The following GGA3 variants were observed in gnomAD, a reference collection of about 807,000 sequenced individuals.
GGA3 encodes the protein golgi associated, gamma adaptin ear containing, ARF binding protein 3, also known as ADP-ribosylation factor-binding protein GGA3.
In GGA3, 57 loss-of-function variants were observed where a neutral mutation model predicts 77.5. The observed-to-expected ratio is 0.74, with a 90% CI of 0.59 to 0.92. The LOEUF is 0.92. Among genes scored for constraint, GGA3 ranks in the 40% least tolerant of loss-of-function variants. The pLI is 0.00. For missense variants in GGA3, 970 were observed against 914.9 expected (o/e 1.06, Z -0.78); for synonymous variants, 416 against 383.7 (o/e 1.08, Z -0.98).
upstream of GGA3, chr17:75,261,978 T>G: frequency 6.3e-7 from 1 of 1,591,844 alleles, no homozygotes; most frequent in East Asian, 2.3e-5. Flanking sequence ...TCTTGCAGCT[T>G]CCAGGGTGAG....
rs1390203399 is a variant in GGA3 at position 75,237,490 on chromosome 17, A to C, written c.*789T>G. 1.3e-6 allele frequency: 2 copies of C among 1,535,950 alleles called. No individual in the cohort carries two copies. The highest frequency in any genetic ancestry group is 2.7e-5 in the African/African-American group (2 of 73,114). On this transcript the variant is annotated 3_prime_UTR_variant, in exon 17 of 17. Coordinates refer to ENST00000537686, the MANE Select transcript of GGA3 (RefSeq NM_138619.4). Reference sequence around the variant, plus strand: ...GTAGTCAGTAGGATGGCCTGTCCCCACGGCTGGAGGCACGCTTTTCCCAGA... The same window carrying C: ...GTAGTCAGTAGGATGGCCTGTCCCCCCGGCTGGAGGCACGCTTTTCCCAGA...
chr17:75,255,453 C>A lies in GGA3; in HGVS notation c.40+6095G>T, dbSNP rs113565684. Among the ~76,000 whole-genome samples the A allele has an allele frequency of 4.7e-3, 710 of 150,532 alleles. 6 individuals carry two copies. Among genetic ancestry groups the A allele is most frequent in the African/African-American group, 0.016 (662 of 41,444 alleles). On this transcript the variant is annotated intron_variant, in intron 1 of 16. Coordinates refer to ENST00000537686, the MANE Select transcript of GGA3 (RefSeq NM_138619.4). ...TGCGTCCTCCTCTTGTATTCCCCCC[C>A]ACCTTAACCCACAAGTATAAGATAC...
chr17:75,244,184 C>A (rs1342918055), intron 4 of GGA3, among the ~76,000 whole-genome samples: 1 of 152,120 alleles, frequency 6.6e-6, no homozygotes, highest in Non-Finnish European at 1.5e-5. Context: ...TAAAGTATTC[C>A]CTCTGCTTTA....
At chr17:75,242,700 G>C in intron 7 of GGA3, 131 bp downstream of exon 7, 2 of 919,344 alleles carry the variant, frequency 2.2e-6, no homozygotes, top group South Asian at 1.4e-5. Flanking sequence ...CCCACTCTCA[G>C]CCACCGGGGC....
Position 75,242,866 on chromosome 17 carries a change from C to T in GGA3, c.574G>A (p.Glu192Lys), listed in dbSNP as rs769042125. The change falls in exon 7 of 17, where the codon GAG (glutamate) becomes AAG (lysine). Residue 192 changes from glutamate (E) to lysine (K), a missense_variant. By Grantham distance (56) the Glu-to-Lys change is moderately conservative. Transcript: ENST00000537686. ...ATGGACTTGATGAGCTTGTTGGCCT[C>T]CTGCAGGTCATCTGGGTTTTTGCTT... ...LKSKNPDDLQ[E>K]ANKLIKSMVK... is the part of the protein sequence containing the mutation. The T allele has an allele frequency of 1.2e-5, 20 of 1,614,074 alleles. No homozygotes were observed. The highest frequency in any genetic ancestry group is 6.6e-5 in the South Asian group (6 of 91,080).
intron 1 of GGA3, among the ~76,000 whole-genome samples, chr17:75,260,882 A>G (rs1000003367): frequency 5.4e-5 from 8 of 146,964 alleles, no homozygotes; most frequent in African/African-American, 2.0e-4. Flanking sequence ...GGCTATCAAC[A>G]CTGACTCGTT....
intron 5 of GGA3, 63 bp from the exon 6 acceptor site, chr17:75,243,229 C>T: frequency 1.6e-6 from 2 of 1,256,714 alleles, no homozygotes; most frequent in South Asian, 1.3e-5. Context: ...CCTCCTCATA[C>T]ACCAAGGGCC....
chr17:75,246,695 A>G lies in GGA3; in HGVS notation c.125+17T>C. 1.9e-6 allele frequency: 3 copies of G among 1,605,392 alleles called. No individual in the cohort carries two copies. Among genetic ancestry groups the G allele is most frequent in the Non-Finnish European group, 2.6e-6 (3 of 1,172,014 alleles). On this transcript the variant is annotated intron_variant, in intron 2 of 16. Coordinates refer to ENST00000537686, the MANE Select transcript of GGA3 (RefSeq NM_138619.4). Reference sequence around the variant, plus strand: ...AGTCCGCTCCCTCTCAGCTGCCCCCACAGTGCTGAGACTCACCCTTCCAGC... The same window carrying G: ...AGTCCGCTCCCTCTCAGCTGCCCCCGCAGTGCTGAGACTCACCCTTCCAGC...
intron 6 of GGA3, 60 bp from the exon 7 acceptor site, chr17:75,242,971 C>G: frequency 6.7e-7 from 1 of 1,493,730 alleles, no homozygotes; most frequent in South Asian, 1.1e-5. Context: ...CCAGGGAAAC[C>G]CCAGAGGCTC....
Position 75,237,599 on chromosome 17 carries a change from C to T in GGA3, c.*680G>A, listed in dbSNP as rs1252997693. ...ATCCCTAGTTGGGCCTGTCATGAGG[C>T]CAAATTCCATGTCCTGCCAAGATGT... On this transcript the variant is annotated 3_prime_UTR_variant, in exon 17 of 17. Transcript: ENST00000537686. The T allele has an allele frequency of 6.5e-7, 1 of 1,533,104 alleles. No individual in the cohort carries two copies. Among genetic ancestry groups the T allele is most frequent in the East Asian group, 2.4e-5 (1 of 40,894 alleles). The allele number at this position is 1,533,104 out of a possible 1,614,324, so 95.0% of individuals were successfully genotyped here.
chr17:75,261,458 A>G (rs2077373181), intron 1 of GGA3, 90 bp downstream of exon 1: 8 of 1,089,084 alleles, frequency 7.3e-6, no homozygotes, highest in Non-Finnish European at 8.7e-6. Context: ...CCAAGAGGCG[A>G]CGCCGTGGAG....
chr17:75,242,709 G>A (rs2076603634), intron 7 of GGA3, 122 bp downstream of exon 7: 4 of 948,840 alleles, frequency 4.2e-6, no homozygotes, highest in East Asian at 4.8e-5. Flanking sequence ...AGCCACCGGG[G>A]CACAGGTAGG....
intron 14 of GGA3, 64 bp downstream of exon 14, chr17:75,239,311 A>G (rs1159680029): frequency 3.7e-6 from 5 of 1,363,050 alleles, no homozygotes; most frequent in Non-Finnish European, 5.0e-6. Flanking sequence ...TCCCTGTCGC[A>G]TGTCCTACAG....
At chr17:75,261,471 C>A in intron 1 of GGA3, 77 bp downstream of exon 1, 2 of 1,204,250 alleles carry the variant, frequency 1.7e-6, no homozygotes, top group East Asian at 3.0e-5. Context: ...CCGTGGAGCC[C>A]GGGGAGGGGA....
rs2076374823 is a variant in GGA3, at chr17:75,237,870, A to G, written c.*409T>C. The G allele has an allele frequency of 7.2e-6, 10 of 1,384,100 alleles. No homozygotes were observed. The highest frequency in any genetic ancestry group is 8.4e-6 in the Non-Finnish European group (9 of 1,072,976). The allele number at this position is 1,384,100 out of a possible 1,614,324, so 85.7% of individuals were successfully genotyped here. On this transcript the variant is annotated 3_prime_UTR_variant, in exon 17 of 17. Coordinates refer to ENST00000537686, the MANE Select transcript of GGA3 (RefSeq NM_138619.4). The stretch of plus-strand genomic sequence containing the variant: ...GGCCGTGCATCTGTCAGGTGTGAGG[A>G]TGTGGCTCTTGTGGGGAATGACCCA...
chr17:75,261,483 G>A, intron 1 of GGA3, 65 bp downstream of exon 1: 9 of 1,301,044 alleles, frequency 6.9e-6, no homozygotes, highest in Non-Finnish European at 9.1e-6. Context: ...GGGAGGGGAC[G>A]TGGGGGTGAA....
chr17:75,246,831 G>A (rs761697903), intron 1 of GGA3, 35 bp from the exon 2 acceptor site: 2 of 1,540,218 alleles, frequency 1.3e-6, no homozygotes, highest in Admixed American at 1.7e-5. Context: ...CAAGTGTTAG[G>A]AAGAGCAATG....
intron 15 of GGA3, 41 bp from the exon 16 acceptor site, chr17:75,238,803 C>T: frequency 1.3e-6 from 2 of 1,573,184 alleles, no homozygotes; most frequent in South Asian, 1.1e-5. Flanking sequence ...CTGGTAGGTG[C>T]CCCCAGATGG....
intron 4 of GGA3, among the ~76,000 whole-genome samples, chr17:75,243,845 C>A (rs2076660779): frequency 6.6e-6 from 1 of 152,150 alleles, no homozygotes; most frequent in African/African-American, 2.4e-5. Flanking sequence ...TGACCTTACT[C>A]ATCTGCACAG....
Sources: gnomAD v4.1 joint callset for allele counts (sites outside exome capture counted in the v4.1 genomes callset) on GRCh38, gnomAD v4.1.1 for gene constraint, MANE v1.5 for transcripts, NCBI Gene and HGNC (gene_info 2026-07-23, HGNC 2026-07-21) for gene names.